The following ARHGAP21 variants were observed in gnomAD, a reference collection of about 807,000 sequenced individuals.
The protein encoded by ARHGAP21 is rho GTPase-activating protein 21.
Under a neutral mutation model 164.6 loss-of-function variants are expected in ARHGAP21, and 38 were observed. That is an observed-to-expected ratio of 0.23 (90% CI 0.18 to 0.30). ARHGAP21 has a LOEUF of 0.30. ARHGAP21 is among the 10% of genes least tolerant of loss of function. The pLI is 1.00. For missense variants in ARHGAP21, 1,822 were observed against 2,370.7 expected (o/e 0.77, Z 4.81); for synonymous variants, 766 against 857.9 (o/e 0.89, Z 1.87).
chr10:24,601,172 G>A (rs1374044821), intron 13 of ARHGAP21, among the ~76,000 whole-genome samples: 1 of 152,134 alleles, frequency 6.6e-6, no homozygotes, highest in Non-Finnish European at 1.5e-5. Context: ...AGTTGGGAAG[G>A]CAATATGAAC....
At chr10:24,615,902 G>T (rs1256555208) in intron 9 of ARHGAP21, among the ~76,000 whole-genome samples, 1 of 152,044 alleles carries the variant, frequency 6.6e-6, no homozygotes, top group Non-Finnish European at 1.5e-5. Context: ...CGCCTCCCAA[G>T]TAGCTGGGCT....
At chr10:24,671,884 A>ATTT (rs35692163) in intron 2 of ARHGAP21, among the ~76,000 whole-genome samples, 18 of 82,542 alleles carry the variant, frequency 2.2e-4, no homozygotes, top group Non-Finnish European at 2.8e-4. Flanking sequence ...CATCAAGCTA[A>ATTT]TTTTTTTTTT....
chr10:24,671,156 C>T (rs1180067458), intron 2 of ARHGAP21, among the ~76,000 whole-genome samples: 1 of 152,174 alleles, frequency 6.6e-6, no homozygotes, highest in East Asian at 1.9e-4. Context: ...CAATTCACTC[C>T]TTTACCCTCT....
At chr10:24,721,494 C>A (rs1462040448) in intron 2 of ARHGAP21, among the ~76,000 whole-genome samples, 1 of 152,152 alleles carries the variant, frequency 6.6e-6, no homozygotes, top group Admixed American at 6.5e-5. Context: ...CCAAATATCT[C>A]GGAAGGGGAC....
chr10:24,628,850 CATATAT>C (rs369282461), intron 7 of ARHGAP21, among the ~76,000 whole-genome samples: 1 of 134,154 alleles, frequency 7.5e-6, no homozygotes, highest in African/African-American at 2.8e-5. Flanking sequence ...TATACACATA[CATATAT>C]ATACACATAT....
At chr10:24,681,799 G>A (rs371128541) in intron 2 of ARHGAP21, among the ~76,000 whole-genome samples, 28 of 152,258 alleles carry the variant, frequency 1.8e-4, no homozygotes, top group African/African-American at 6.3e-4. Context: ...GTGCAGCCAC[G>A]TGGCTTTTTA....
chr10:24,596,140 T>G (rs2076569360), intron 17 of ARHGAP21, 97 bp from the exon 18 acceptor site: 2 of 1,052,866 alleles, frequency 1.9e-6, no homozygotes, highest in Non-Finnish European at 2.7e-6. Flanking sequence ...AAAGGAAACA[T>G]AAATTGCTGT....
chr10:24,669,887 A>C (rs1840534087), intron 3 of ARHGAP21, among the ~76,000 whole-genome samples: 1 of 152,216 alleles, frequency 6.6e-6, no homozygotes, highest in Non-Finnish European at 1.5e-5. Context: ...TCCTTTGCAT[A>C]GTCTGCCCAG....
At chr10:24,607,934 A>G in intron 9 of ARHGAP21, 31 bp from the exon 10 acceptor site, 1 of 1,568,342 alleles carries the variant, frequency 6.4e-7, no homozygotes, top group Non-Finnish European at 8.6e-7. Context: ...CAGAATGTTC[A>G]ATGACCTAAT....
At chr10:24,608,655 A>G (rs2077132432) in intron 9 of ARHGAP21, among the ~76,000 whole-genome samples, 1 of 152,218 alleles carries the variant, frequency 6.6e-6, no homozygotes, top group African/African-American at 2.4e-5. Context: ...ATGCTGTACC[A>G]TATTATCAGG....
chr10:24,642,206 A>C (rs1565081104), intron 4 of ARHGAP21, among the ~76,000 whole-genome samples: 1 of 152,028 alleles, frequency 6.6e-6, no homozygotes, highest in Non-Finnish European at 1.5e-5. Context: ...CACACCACTA[A>C]CAGATAAGAA....
At chr10:24,633,354 T>C (rs1314371296) in intron 6 of ARHGAP21, 48 bp downstream of exon 6, 4 of 1,290,838 alleles carry the variant, frequency 3.1e-6, no homozygotes, top group Non-Finnish European at 4.5e-6. Flanking sequence ...ATGTGCTCTA[T>C]TGATCTATAA....
intron 2 of ARHGAP21, among the ~76,000 whole-genome samples, chr10:24,688,233 A>G (rs576282660): frequency 1.2e-3 from 182 of 152,294 alleles, no homozygotes; most frequent in Non-Finnish European, 1.5e-3. Context: ...TCTACTAAAA[A>G]TACAAAAATT....
intron 4 of ARHGAP21, among the ~76,000 whole-genome samples, chr10:24,648,424 T>G (rs546701790): frequency 6.6e-6 from 1 of 152,344 alleles, no homozygotes; most frequent in African/African-American, 2.4e-5. Context: ...TATCACTTTT[T>G]CCCTAAGCAA....
intron 23 of ARHGAP21, 70 bp downstream of exon 23, chr10:24,591,572 T>G: frequency 1.3e-6 from 2 of 1,559,896 alleles, no homozygotes; most frequent in Non-Finnish European, 1.8e-6. Flanking sequence ...GAAGTTGACA[T>G]TGTTGGCGCG....
intron 2 of ARHGAP21, among the ~76,000 whole-genome samples, chr10:24,711,290 AAAG>A (rs1457318222): frequency 6.6e-6 from 1 of 151,996 alleles, no homozygotes; most frequent in Admixed American, 6.6e-5. Flanking sequence ...GGGAGAAGGA[AAAG>A]AAGGGTTTCA....
intron 2 of ARHGAP21, among the ~76,000 whole-genome samples, chr10:24,677,725 C>T (rs1239932246): frequency 2.6e-5 from 4 of 152,170 alleles, no homozygotes; most frequent in African/African-American, 7.2e-5. Context: ...TAAGTAATGA[C>T]TGGATCCTCC....
chr10:24,584,779 C>A lies in ARHGAP21; in HGVS notation c.5510G>T (p.Arg1837Leu), dbSNP rs777471095. ...ERESELSAVN[R>L]LKPKCSAQDL... ...CTGGGCTGAGCATTTTGGTTTTAAC[C>A]GGTTTACAGCTGAAAGTTCAGATTC... Residue 1837 changes from arginine (R) to leucine (L), a missense_variant, in exon 26 of 26, where the codon CGG (arginine) becomes CTG (leucine). Transcript: ENST00000396432. 3.8e-5 allele frequency: 61 copies of A among 1,613,834 alleles called. No individual in the cohort carries two copies. Among genetic ancestry groups the A allele is most frequent in the Non-Finnish European group, 5.0e-5 (59 of 1,179,872 alleles).
intron 9 of ARHGAP21, among the ~76,000 whole-genome samples, chr10:24,608,754 A>G (rs550672168): frequency 7.0e-6 from 1 of 143,740 alleles, no homozygotes; most frequent in Non-Finnish European, 1.5e-5. Flanking sequence ...TGTTTAGCTT[A>G]TTTTCTGTTT....
Sources: allele counts gnomAD v4.1 joint callset (sites outside exome capture counted in the v4.1 genomes callset), GRCh38; gene constraint gnomAD v4.1.1; transcripts MANE v1.5; gene names NCBI Gene and HGNC (gene_info 2026-07-23, HGNC 2026-07-21).